Variants in SH3RF2 observed in about 807,000 individuals in gnomAD.
SH3RF2 encodes the protein E3 ubiquitin-protein ligase SH3RF2.
In SH3RF2, 43 loss-of-function variants were observed where a neutral mutation model predicts 59.0. That is an observed-to-expected ratio of 0.73 (90% CI 0.57 to 0.94). The LOEUF is 0.94. Among genes scored for constraint, SH3RF2 ranks in the 40% least tolerant of loss-of-function variants. SH3RF2 has a pLI of 0.00. For missense variants in SH3RF2, 930 were observed against 940.1 expected (o/e 0.99, Z 0.14); for synonymous variants, 391 against 391.5 (o/e 1.00, Z 0.01).
intron 6 of SH3RF2, 100 bp from the exon 7 acceptor site, chr5:146,048,973 ATT>A: frequency 1.4e-6 from 2 of 1,390,228 alleles, no homozygotes; most frequent in Non-Finnish European, 2.0e-6. Flanking sequence ...GAAGGTTCTT[ATT>A]GCTAACCACT....
intron 2 of SH3RF2, chr5:145,997,664 A>T: frequency 6.4e-7 from 1 of 1,565,286 alleles, no homozygotes; most frequent in Non-Finnish European, 8.7e-7. Context: ...TTTGCTACCC[A>T]GTTCAGTCAG....
chr5:146,051,967 G>A (rs1277122714), intron 7 of SH3RF2, among the ~76,000 whole-genome samples: 1 of 152,132 alleles, frequency 6.6e-6, no homozygotes, highest in Non-Finnish European at 1.5e-5. Context: ...CTGATAATAT[G>A]AGTCAAAGCT....
At position 146,000,280 on chromosome 5, in the gene SH3RF2, C is replaced by T. The variant is rs745318390; in HGVS notation, c.601C>T (p.Arg201Ter). The T allele has an allele frequency of 1.3e-5, 21 of 1,613,538 alleles. No individual in the cohort carries two copies. Among genetic ancestry groups the T allele is most frequent in the Admixed American group, 1.7e-5 (1 of 59,926 alleles). The change falls in exon 3 of 10, where the codon CGA becomes TGA. Residue 201 changes from arginine (R) to a stop codon, truncating the protein, a stop_gained. Transcript: ENST00000359120. LOFTEE classifies it high-confidence loss of function. Reference protein sequence around the residue: ...LCRALYNFDLRGKDKSENQDC... With the variant: ...LCRALYNFDL ...CAGGGCCCTCTACAACTTCGACCTA[C>T]GAGGCAAGGACAAGAGTGAGAACCA... is the stretch of plus-strand genomic sequence containing the variant.
intron 2 of SH3RF2, among the ~76,000 whole-genome samples, chr5:145,958,685 G>T (rs988935224): frequency 1.3e-5 from 2 of 152,190 alleles, no homozygotes; most frequent in Non-Finnish European, 2.9e-5. Context: ...CACCCAGTTT[G>T]CAAGGAACAC....
chr5:146,024,537 G>A (rs1761457795), intron 5 of SH3RF2, among the ~76,000 whole-genome samples: 2 of 152,146 alleles, frequency 1.3e-5, no homozygotes, highest in African/African-American at 4.8e-5. Context: ...CTTTCTAGGT[G>A]TGTCCTTTGA....
rs192517258 is a variant in SH3RF2 at position 146,039,618 on chromosome 5, G to C, written c.1060-8154G>C. ...GGCCTTACCACATGCTGGTGAGACT[G>C]TGGGGTAACAGTAATTGTCATTCAC... is the stretch of plus-strand genomic sequence containing the variant. On this transcript the variant is annotated intron_variant, in intron 5 of 9. Transcript: ENST00000359120. Among the ~76,000 whole-genome samples the C allele has an allele frequency of 1.0e-3, 157 of 152,330 alleles. 1 individual carries two copies. The highest frequency in any genetic ancestry group is 0.01 in the Middle Eastern group (3 of 294).
At chr5:145,985,314 C>T (rs1759658756) in intron 2 of SH3RF2, among the ~76,000 whole-genome samples, 1 of 152,174 alleles carries the variant, frequency 6.6e-6, no homozygotes, top group African/African-American at 2.4e-5. Flanking sequence ...CACACACAAA[C>T]TTGTAAATCT....
intron 5 of SH3RF2, among the ~76,000 whole-genome samples, chr5:146,028,308 A>G (rs2150002207): frequency 1.3e-5 from 2 of 152,344 alleles, no homozygotes; most frequent in African/African-American, 2.4e-5. Flanking sequence ...TTCTGGGAAC[A>G]AAGAGGGTAG....
intron 2 of SH3RF2, among the ~76,000 whole-genome samples, chr5:145,945,538 A>C (rs116007705): frequency 1.8e-4 from 27 of 152,336 alleles, no homozygotes; most frequent in African/African-American, 6.5e-4. Flanking sequence ...CTTCCTAGAA[A>C]AACAAAAAGA....
At chr5:145,939,025 G>GAT (rs1449646163) in intron 2 of SH3RF2, among the ~76,000 whole-genome samples, 3 of 152,252 alleles carry the variant, frequency 2.0e-5, no homozygotes, top group Non-Finnish European at 4.4e-5. Context: ...CCTCACAGGA[G>GAT]ATTAATGCTT....
downstream of SH3RF2, among the ~76,000 whole-genome samples, chr5:146,064,760 AAGG>A (rs1321044131): frequency 0.12 from 827 of 6,808 alleles, 48 homozygotes; most frequent in Non-Finnish European, 0.3. Context: ...GGAAGGAAGG[AAGG>A]AAGGAAGGAA....
chr5:146,050,512 T>C (rs1762459886), intron 7 of SH3RF2, among the ~76,000 whole-genome samples: 1 of 152,214 alleles, frequency 6.6e-6, no homozygotes, highest in East Asian at 1.9e-4. Context: ...AGCTTTTCCT[T>C]TCAAAGAAAA....
intron 2 of SH3RF2, among the ~76,000 whole-genome samples, chr5:145,950,466 C>T (rs1344457013): frequency 6.6e-6 from 1 of 152,140 alleles, no homozygotes; most frequent in Non-Finnish European, 1.5e-5. Flanking sequence ...GCTGTGTCTT[C>T]ACTGGGTACT....
intron 9 of SH3RF2, among the ~76,000 whole-genome samples, chr5:146,072,279 T>C (rs1017058714): frequency 6.6e-6 from 1 of 152,144 alleles, no homozygotes; most frequent in Non-Finnish European, 1.5e-5. Context: ...GGCCAGATGT[T>C]GGTATGCAGA....
chr5:146,074,702 C>A (rs1396929086), intron 9 of SH3RF2, among the ~76,000 whole-genome samples: 1 of 152,140 alleles, frequency 6.6e-6, no homozygotes, highest in Non-Finnish European at 1.5e-5. Flanking sequence ...AATTTCTGCA[C>A]CCACTTACTC....
In SH3RF2 at chr5:146,028,209, C is replaced by CACACACACAG. The variant is rs1491332228; in HGVS notation, c.1059+14149_1059+14150insCACACACAGA. Among the ~76,000 whole-genome samples the CACACACACAG allele has an allele frequency of 1.3e-3, 166 of 129,068 alleles. 2 individuals are homozygous for CACACACACAG. Among genetic ancestry groups the CACACACACAG allele is most frequent in the Middle Eastern group, 4.7e-3 (1 of 214 alleles). The allele number at this position is 129,068 out of a possible 152,430, so 84.7% of individuals were successfully genotyped here. A position where few individuals can be genotyped will look rare whatever the true frequency, so the allele number is the denominator to read the frequency against. On this transcript the variant is annotated intron_variant, in intron 5 of 9. Coordinates refer to ENST00000359120, the MANE Select transcript of SH3RF2 (RefSeq NM_152550.4). ...ACACACACACACACACACACACACA[C>CACACACACAG]AGAGATAATTCAACAAGAAAGGAAG... is the stretch of plus-strand genomic sequence containing the variant.
intron 5 of SH3RF2, among the ~76,000 whole-genome samples, chr5:146,029,859 A>G (rs1350020985): frequency 6.6e-6 from 1 of 152,238 alleles, no homozygotes; most frequent in African/African-American, 2.4e-5. Context: ...TCAAAGAAAA[A>G]AACCATTTAT....
intron 5 of SH3RF2, among the ~76,000 whole-genome samples, chr5:146,031,896 C>A (rs1443690628): frequency 6.6e-6 from 1 of 152,086 alleles, no homozygotes; most frequent in Admixed American, 6.5e-5. Flanking sequence ...CTTCCATGTG[C>A]CCCAGGTATA....
intron 2 of SH3RF2, among the ~76,000 whole-genome samples, chr5:145,996,903 C>T (rs1024856808): frequency 6.6e-6 from 1 of 152,126 alleles, no homozygotes; most frequent in African/African-American, 2.4e-5. Flanking sequence ...GGGGATGATG[C>T]GTGTCTATCT....
Sources: gnomAD v4.1 joint callset for allele counts (sites outside exome capture counted in the v4.1 genomes callset) on GRCh38, gnomAD v4.1.1 for gene constraint, MANE v1.5 for transcripts, NCBI Gene and HGNC (gene_info 2026-07-23, HGNC 2026-07-21) for gene names.